BCKDHB: variants seen among roughly 807,000 people sequenced by gnomAD.
The protein encoded by BCKDHB is 2-oxoisovalerate dehydrogenase subunit beta, mitochondrial.
A neutral mutation model predicts 48.5 loss-of-function variants in BCKDHB; 41 were observed. The observed-to-expected ratio is 0.85, with a 90% CI of 0.66 to 1.10. The LOEUF (loss-of-function observed/expected upper bound fraction) is 1.10. Ranked by LOEUF, BCKDHB falls within the 50% of genes least tolerant of loss-of-function variation. BCKDHB has a pLI of 0.00. For synonymous variants in BCKDHB, 201 were observed against 174.8 expected (o/e 1.15, Z -1.18); for missense variants, 496 against 494.2 (o/e 1.00, Z -0.03).
chr6:80,371,615 G>A, the BCKDHB span, among the ~76,000 whole-genome samples: 1 of 152,004 alleles, frequency 6.6e-6, no homozygotes, highest in East Asian at 1.9e-4. Flanking sequence ...TATGGTTTCA[G>A]GTCTTAGATT....
At chr6:80,375,755 C>T in the BCKDHB span, among the ~76,000 whole-genome samples, 40 of 152,114 alleles carry the variant, frequency 2.6e-4, no homozygotes, top group Non-Finnish European at 5.6e-4. Flanking sequence ...AATTATTTTT[C>T]TGGTTCCTTC....
intron 9 of BCKDHB, among the ~76,000 whole-genome samples, chr6:80,326,285 T>A (rs1052796917): frequency 2.0e-5 from 3 of 152,140 alleles, no homozygotes; most frequent in African/African-American, 7.2e-5. Flanking sequence ...AATGCTACTG[T>A]TTGATGAATG....
chr6:80,335,435 A>G (rs1180114809), intron 9 of BCKDHB, among the ~76,000 whole-genome samples: 5 of 152,068 alleles, frequency 3.3e-5, no homozygotes, highest in African/African-American at 1.2e-4. Context: ...CCACTTTCAA[A>G]CGTTGCCGTC....
chr6:80,220,304 G>GTTTTTTTTTTTTTTTTTTTTTATTTTTTT (rs56967096), intron 8 of BCKDHB, among the ~76,000 whole-genome samples: 1 of 60,860 alleles, frequency 1.6e-5, no homozygotes, highest in Non-Finnish European at 2.9e-5. Context: ...CATGCTATTT[G>GTTTTTTTTTTTTTTTTTTTTTATTTTTTT]TTTTTTTTTT....
the BCKDHB span, among the ~76,000 whole-genome samples, chr6:80,352,166 A>C: frequency 7.4e-6 from 1 of 134,580 alleles, no homozygotes. Context: ...TTTTTTGGAG[A>C]TAGGGTTTGG....
chr6:80,416,267 T>G, the BCKDHB span, among the ~76,000 whole-genome samples: 2 of 151,478 alleles, frequency 1.3e-5, no homozygotes, highest in East Asian at 3.9e-4. Flanking sequence ...TTTCTTTGTA[T>G]GTCAATCTTC....
intron 3 of BCKDHB, among the ~76,000 whole-genome samples, chr6:80,158,082 G>T (rs984590194): frequency 4.6e-5 from 7 of 152,170 alleles, no homozygotes; most frequent in Non-Finnish European, 1.0e-4. Context: ...CTGATGAAAT[G>T]AATGAGACAG....
intron 9 of BCKDHB, among the ~76,000 whole-genome samples, chr6:80,320,302 C>T (rs1002082004): frequency 1.2e-4 from 19 of 152,128 alleles, no homozygotes; most frequent in Admixed American, 5.9e-4. Flanking sequence ...TCTTATTTCA[C>T]CTGTTGGTTA....
intron 3 of BCKDHB, among the ~76,000 whole-genome samples, chr6:80,134,683 T>C (rs896840544): frequency 6.6e-6 from 1 of 152,082 alleles, no homozygotes; most frequent in African/African-American, 2.4e-5. Flanking sequence ...AACCATGGGG[T>C]ACCTTAGGCA....
the BCKDHB span, among the ~76,000 whole-genome samples, chr6:80,464,071 C>T: frequency 9.9e-5 from 15 of 152,098 alleles, no homozygotes; most frequent in African/African-American, 3.6e-4. Context: ...ACCGAGTCTG[C>T]CTGCATCAAA....
intron 8 of BCKDHB, among the ~76,000 whole-genome samples, chr6:80,264,597 G>A (rs1044997966): frequency 8.5e-5 from 13 of 152,114 alleles, no homozygotes; most frequent in Non-Finnish European, 2.9e-5. Flanking sequence ...GAGGAGTGCT[G>A]TCATGGATAA....
At chr6:80,325,739 T>G (rs1369774411) in intron 9 of BCKDHB, among the ~76,000 whole-genome samples, 1 of 152,224 alleles carries the variant, frequency 6.6e-6, no homozygotes, top group Non-Finnish European at 1.5e-5. Context: ...TACTTCTGTT[T>G]AATTTGGGAT....
At chr6:80,213,160 TA>T (rs1322458214) in intron 8 of BCKDHB, among the ~76,000 whole-genome samples, 5 of 152,156 alleles carry the variant, frequency 3.3e-5, no homozygotes, top group Admixed American at 3.3e-4. Context: ...TTGGTGCTCA[TA>T]AAAAAGTTTA....
chr6:80,315,327 C>T (rs533998055), intron 9 of BCKDHB, among the ~76,000 whole-genome samples: 1 of 152,104 alleles, frequency 6.6e-6, no homozygotes, highest in Non-Finnish European at 1.5e-5. Context: ...TGCAAAGATC[C>T]GTGGTTTCTT....
At chr6:80,186,972 GA>G (rs1373008321) in intron 6 of BCKDHB, among the ~76,000 whole-genome samples, 1 of 152,188 alleles carries the variant, frequency 6.6e-6, no homozygotes, top group Non-Finnish European at 1.5e-5. Flanking sequence ...CTGTCTCATG[GA>G]GTTTGCAGTG....
At chr6:80,310,643 G>GT (rs1768107036) in intron 9 of BCKDHB, among the ~76,000 whole-genome samples, 1 of 152,138 alleles carries the variant, frequency 6.6e-6, no homozygotes, top group South Asian at 2.1e-4. Context: ...GGGTCAAATG[G>GT]TATTTCTGTG....
chr6:80,227,388 G>A (rs984933655), intron 8 of BCKDHB, among the ~76,000 whole-genome samples: 2 of 152,016 alleles, frequency 1.3e-5, no homozygotes, highest in East Asian at 1.9e-4. Context: ...AAATTATCTC[G>A]TTTCCCAAAT....
At chr6:80,177,733 T>G (rs1167407931) in intron 6 of BCKDHB, among the ~76,000 whole-genome samples, 1 of 152,190 alleles carries the variant, frequency 6.6e-6, no homozygotes, top group Non-Finnish European at 1.5e-5. Flanking sequence ...TTCTCAAGTC[T>G]GGAGTAGTAG....
chr6:80,353,672 G>A, the BCKDHB span, among the ~76,000 whole-genome samples: 1 of 152,078 alleles, frequency 6.6e-6, no homozygotes, highest in Non-Finnish European at 1.5e-5. Context: ...GGCCAACATG[G>A]TGAAACCCCA....
Sources: allele counts gnomAD v4.1 joint callset (sites outside exome capture counted in the v4.1 genomes callset), GRCh38; gene constraint gnomAD v4.1.1; transcripts MANE v1.5; gene names NCBI Gene and HGNC (gene_info 2026-07-23, HGNC 2026-07-21).